SLC7A6: variants seen among roughly 807,000 people sequenced by gnomAD.
The protein encoded by SLC7A6 is Y+L amino acid transporter 2.
Under a neutral mutation model 46.6 loss-of-function variants are expected in SLC7A6, and 29 were observed. That is an observed-to-expected ratio of 0.62 (90% CI 0.46 to 0.85). The LOEUF is 0.85. SLC7A6 is among the 40% of genes least tolerant of loss of function. The pLI is 0.00. For synonymous variants in SLC7A6, 276 were observed against 257.3 expected, an observed-to-expected ratio of 1.07 and a Z score of -0.70; for missense variants, 527 against 647.6, an observed-to-expected ratio of 0.81 and a Z score of 2.02.
chr16:68,297,149 C>A, intron 10 of SLC7A6, 85 bp from the exon 11 acceptor site: 1 of 1,285,054 alleles, frequency 7.8e-7, no homozygotes, highest in South Asian at 1.3e-5. Flanking sequence ...GCGAGGGAGC[C>A]ATAGATGTTA....
Position 68,287,838 on chromosome 16 carries a change from A to C in SLC7A6, c.616A>C (p.Ile206Leu). ...CGCCAAGGTCGTAGCGCTCATTGCC[A>C]TCATTGTCATGGGCCTTGTTAAACT... ...TYAKVVALIA[I>L]IVMGLVKLCQ... The change falls in exon 4 of 11, where the codon ATC becomes CTC. Residue 206 changes from isoleucine (I) to leucine (L), a missense_variant. Coordinates refer to ENST00000219343, the MANE Select transcript of SLC7A6 (RefSeq NM_003983.6). 7.4e-6 allele frequency: 12 copies of C among 1,614,190 alleles called. No homozygotes were observed. Among genetic ancestry groups the C allele is most frequent in the Non-Finnish European group, 9.3e-6 (11 of 1,180,020 alleles).
Position 68,298,679 on chromosome 16 carries a change from G to A in SLC7A6, c.*1351G>A, listed in dbSNP as rs1416599711. ...AGGAAAGCTGCTTCAACCTGAGTCC[G>A]GCTCTTCAGCAGGCTGCACAAGTGG... On this transcript the variant is annotated 3_prime_UTR_variant, in exon 11 of 11. Transcript: ENST00000219343. 5 of 152,254 alleles carry A rather than the reference G, an allele frequency of 3.3e-5. No homozygotes were observed. The highest frequency in any genetic ancestry group is 1.3e-4 in the Admixed American group (2 of 15,280). The allele number at this position is 152,254 out of a possible 1,614,324, so 9.4% of individuals were successfully genotyped here.
intron 3 of SLC7A6, among the ~76,000 whole-genome samples, chr16:68,275,946 GA>G (rs55651156): frequency 1.6e-4 from 23 of 147,932 alleles, no homozygotes; most frequent in Admixed American, 6.7e-4. Flanking sequence ...GTTGCTAAAG[GA>G]AAAAAAAAAG....
Position 68,296,729 on chromosome 16 carries a change from G to A in SLC7A6, c.1372G>A (p.Ala458Thr), listed in dbSNP as rs763116670. 6.2e-7 allele frequency: 1 copy of A among 1,614,186 alleles called. No homozygotes were observed. The highest frequency in any genetic ancestry group is 1.1e-5 in the South Asian group (1 of 91,080). ...TINSLIGIGI[A>T]LSGVPFYFMG... ...TAATTCCCTCATTGGCATCGGGATT[G>A]CCCTTTCTGGAGTCCCTTTCTACTT... The change falls in exon 10 of 11, where the codon GCC becomes ACC. Residue 458 changes from alanine to threonine, a missense_variant. By Grantham distance (58) the Ala-to-Thr change is moderately conservative (BLOSUM62 0). Coordinates refer to ENST00000219343, the MANE Select transcript of SLC7A6 (RefSeq NM_003983.6).
intron 4 of SLC7A6, among the ~76,000 whole-genome samples, chr16:68,289,456 C>T (rs1264756707): frequency 1.3e-5 from 2 of 152,178 alleles, no homozygotes; most frequent in African/African-American, 4.8e-5. Flanking sequence ...TAATCCTCCC[C>T]TGAAGATCTG....
chr16:68,268,630 A>T (rs1353634658), intron 2 of SLC7A6, among the ~76,000 whole-genome samples: 1 of 152,122 alleles, frequency 6.6e-6, no homozygotes, highest in Admixed American at 6.5e-5. Context: ...TCGTGGTTAA[A>T]TTTTCATGGG....
chr16:68,286,772 T>C (rs1372726060), intron 3 of SLC7A6, among the ~76,000 whole-genome samples: 1 of 152,050 alleles, frequency 6.6e-6, no homozygotes, highest in Admixed American at 6.6e-5. Context: ...GGTGCGCTTC[T>C]CCATGGACTT....
In SLC7A6 at chr16:68,294,687, C is replaced by T; in HGVS notation, c.1023-18C>T. The T allele has an allele frequency of 6.4e-7, 1 of 1,560,018 alleles. No homozygotes were observed. The highest frequency in any genetic ancestry group is 8.8e-7 in the Non-Finnish European group (1 of 1,130,666). ...AAAGGAGTAAAGGATCCTGCTGACA[C>T]ATTTCTCATCCTTCTAGGTTGTTCT... is the stretch of plus-strand genomic sequence containing the variant. On this transcript the variant is annotated intron_variant, in intron 7 of 10. Transcript: ENST00000219343.
At chr16:68,275,799 G>A (rs1460012369) in intron 3 of SLC7A6, among the ~76,000 whole-genome samples, 1 of 151,888 alleles carries the variant, frequency 6.6e-6, no homozygotes, top group African/African-American at 2.4e-5. Context: ...TCTCTTGGCT[G>A]CCCTTGTTCT....
intron 2 of SLC7A6, among the ~76,000 whole-genome samples, chr16:68,269,304 C>CT (rs893606684): frequency 1.3e-5 from 2 of 152,060 alleles, no homozygotes; most frequent in African/African-American, 2.4e-5. Flanking sequence ...GTTTTTCTTG[C>CT]TTTTTTTATG....
At chr16:68,268,063 A>G (rs1019580246) in intron 2 of SLC7A6, among the ~76,000 whole-genome samples, 2 of 152,200 alleles carry the variant, frequency 1.3e-5, no homozygotes, top group Non-Finnish European at 2.9e-5. Context: ...TATCCTTTGT[A>G]ATAGCCTTTA....
intron 3 of SLC7A6, among the ~76,000 whole-genome samples, chr16:68,283,577 G>GGATGAAAAAGGGA (rs2151222058): frequency 1.2e-5 from 1 of 80,744 alleles, no homozygotes; most frequent in South Asian, 3.4e-4. Context: ...TTTCTATTAC[G>GGATGAAAAAGGGA]AATGAAAAAG....
Position 68,290,635 on chromosome 16 carries a change from C to T in SLC7A6, c.794+95C>T. 5 of 1,391,440 alleles carry T rather than the reference C, an allele frequency of 3.6e-6. No homozygotes were observed. The South Asian group carries it at 4.8e-5, about 13-fold the overall frequency. 86.2% of individuals were successfully genotyped at this position (1,391,440 alleles called of 1,614,324 possible). On this transcript the variant is annotated intron_variant, in intron 5 of 10. Transcript: ENST00000219343. ...CTCATCCTTCTCCTCCTCCCTCCGA[C>T]TCTCCTCCCCTCTTCTCCCTACTCC...
chr16:68,298,740 AC>A lies in SLC7A6; in HGVS notation c.*1415del, dbSNP rs1425253922. ...TTCTGGTGCTCAGGCTGGGCTCTCC[AC>A]CCAAGTTAGGCCTGCTCTGGCCTAA... is the stretch of plus-strand genomic sequence containing the variant. On this transcript the variant is annotated 3_prime_UTR_variant, in exon 11 of 11. Coordinates refer to ENST00000219343, the MANE Select transcript of SLC7A6 (RefSeq NM_003983.6). 6.6e-6 allele frequency: 1 copy of A among 152,190 alleles called. No individual in the cohort carries two copies. The highest frequency in any genetic ancestry group is 1.5e-5 in the Non-Finnish European group (1 of 68,072). 9.4% of individuals were successfully genotyped at this position (152,190 alleles called of 1,614,324 possible).
At chr16:68,288,530 C>G (rs531542548) in intron 4 of SLC7A6, among the ~76,000 whole-genome samples, 25 of 152,230 alleles carry the variant, frequency 1.6e-4, no homozygotes, top group African/African-American at 5.8e-4. Flanking sequence ...CCACAGATAT[C>G]TCAATCATTT....
chr16:68,291,760 AGG>A, intron 7 of SLC7A6, 99 bp downstream of exon 7: 1 of 521,764 alleles, frequency 1.9e-6, no homozygotes, highest in South Asian at 2.1e-5. Flanking sequence ...ATGGGCATAT[AGG>A]GTGTGTGTGT....
chr16:68,278,847 C>T (rs574455769), intron 3 of SLC7A6, among the ~76,000 whole-genome samples: 5 of 152,032 alleles, frequency 3.3e-5, no homozygotes, highest in South Asian at 2.1e-4. Context: ...GACGGGGTGG[C>T]GGCCGGGCAG....
intron 3 of SLC7A6, among the ~76,000 whole-genome samples, chr16:68,286,236 G>A (rs1350211484): frequency 6.6e-6 from 1 of 151,982 alleles, no homozygotes; most frequent in Non-Finnish European, 1.5e-5. Flanking sequence ...CATGATGATA[G>A]CATAGACACT....
intron 3 of SLC7A6, among the ~76,000 whole-genome samples, chr16:68,278,157 A>C (rs1017921835): frequency 6.7e-6 from 1 of 150,300 alleles, no homozygotes; most frequent in Non-Finnish European, 1.5e-5. Flanking sequence ...GGGTTTCACC[A>C]TGTTGGTCAG....
Sources: allele counts gnomAD v4.1 joint callset (sites outside exome capture counted in the v4.1 genomes callset), GRCh38; gene constraint gnomAD v4.1.1; transcripts MANE v1.5; gene names NCBI Gene and HGNC (gene_info 2026-07-23, HGNC 2026-07-21).